HS1BP3: variants seen among roughly 807,000 people sequenced by gnomAD.
HS1BP3 encodes HCLS1 binding protein 3.
Under a neutral mutation model 33.5 loss-of-function variants are expected in HS1BP3, and 32 were observed. The ratio of observed to expected loss-of-function variants is 0.95; its 90% CI spans 0.72 to 1.28. HS1BP3 has a LOEUF of 1.28. Ranked by LOEUF, HS1BP3 falls within the 50% of genes most tolerant of loss-of-function variation. The pLI is 0.00. For missense variants in HS1BP3, 486 were observed against 502.3 expected (o/e 0.97, Z 0.31); for synonymous variants, 187 against 209.2 (o/e 0.89, Z 0.92).
At chr2:20,556,986 C>T (rs963533660), downstream of HS1BP3, among the ~76,000 whole-genome samples, 5 of 152,330 alleles carry the variant, frequency 3.3e-5, no homozygotes, top group South Asian at 6.2e-4. Context: ...TTCCACTGTT[C>T]GTTCTACCCC....
At position 20,611,195 on chromosome 2, in the gene HS1BP3, C is replaced by T. The variant is rs115559489; in HGVS notation, c.178+12701G>A. On this transcript the variant is annotated intron_variant, in intron 2 of 3. Coordinates refer to the HS1BP3 transcript ENST00000415264. The surrounding 1 kb of genome is among the most constrained non-coding windows in gnomAD (Gnocchi z 4.9). ...TGCCACTGTTTGCTTGTTCATTGAC[C>T]GTTTGTTTGATGGATATTTGGGTTG... Among the ~76,000 whole-genome samples, 142 of 152,270 alleles carry T rather than the reference C, an allele frequency of 9.3e-4. No homozygotes were observed. The highest frequency in any genetic ancestry group is 3.3e-3 in the African/African-American group (136 of 41,558).
chr2:20,628,247 G>A (rs1013145786), intron 4 of HS1BP3, among the ~76,000 whole-genome samples: 5 of 152,194 alleles, frequency 3.3e-5, no homozygotes, highest in African/African-American at 9.7e-5. Flanking sequence ...AGATGAGGAC[G>A]AGCCGCCGCT....
intron 1 of HS1BP3, among the ~76,000 whole-genome samples, chr2:20,650,257 G>A (rs775622780): frequency 2.6e-5 from 4 of 152,212 alleles, no homozygotes; most frequent in Non-Finnish European, 2.9e-5. Context: ...TTTGTGTAGG[G>A]AGAGCAAGGG....
chr2:20,608,066 T>C (rs1190553252), intron 2 of HS1BP3, among the ~76,000 whole-genome samples: 4 of 152,246 alleles, frequency 2.6e-5, no homozygotes, highest in Non-Finnish European at 5.9e-5. Flanking sequence ...TATAGAAATA[T>C]AACTAATTTT....
chr2:20,640,601 G>T (rs1213417126), intron 3 of HS1BP3: 3 of 484,916 alleles, frequency 6.2e-6, no homozygotes, highest in Non-Finnish European at 1.1e-5. Flanking sequence ...AGGTCCCTAG[G>T]GCTGGTTGGA....
At chr2:20,627,116 C>T (rs1423521700) in intron 4 of HS1BP3, among the ~76,000 whole-genome samples, 2 of 152,248 alleles carry the variant, frequency 1.3e-5, no homozygotes, top group Admixed American at 1.3e-4. Flanking sequence ...CTTCATTCCC[C>T]ATCTCTGCCG....
chr2:20,650,976 GC>G, intron 1 of HS1BP3, 55 bp downstream of exon 1: 1 of 1,225,328 alleles, frequency 8.2e-7, no homozygotes, highest in Non-Finnish European at 1.0e-6. Context: ...CCGCCTCTCC[GC>G]CCGGGCGCCC....
chr2:20,610,304 G>T (rs1049699040), intron 2 of HS1BP3, among the ~76,000 whole-genome samples: 1 of 152,056 alleles, frequency 6.6e-6, no homozygotes, highest in East Asian at 1.9e-4. Flanking sequence ...TAATGCCACG[G>T]ATCCACCATG....
rs1250119156 is a variant in HS1BP3, at chr2:20,624,725, T to C, written c.784+7A>G. ...ACACCAGGAGCAGACCATGGGGCTC[T>C]ACTTACGGTCCACGGATGACACGTC... On this transcript the variant is annotated splice_region_variant and intron_variant, in intron 5 of 6. Transcript: ENST00000304031. 10 of 1,582,530 alleles carry C rather than the reference T, an allele frequency of 6.3e-6. No individual in the cohort carries two copies. Among genetic ancestry groups the C allele is most frequent in the Non-Finnish European group, 8.6e-6 (10 of 1,162,486 alleles).
At chr2:20,597,953 C>G (rs1367856580) in intron 3 of HS1BP3, among the ~76,000 whole-genome samples, 1 of 152,108 alleles carries the variant, frequency 6.6e-6, no homozygotes, top group Non-Finnish European at 1.5e-5. Flanking sequence ...GTGCCTAGAG[C>G]CAGGCTCAGC....
chr2:20,573,449 C>T (rs901044654), intron 5 of HS1BP3, among the ~76,000 whole-genome samples: 4 of 152,332 alleles, frequency 2.6e-5, no homozygotes, highest in African/African-American at 9.6e-5. Context: ...GGGAGACCCC[C>T]CAAGCCCCTA....
chr2:20,579,640 C>T (rs1693485597), intron 5 of HS1BP3, among the ~76,000 whole-genome samples: 1 of 152,186 alleles, frequency 6.6e-6, no homozygotes, highest in African/African-American at 2.4e-5. Context: ...GAGGTGGGGG[C>T]CCACTGAGCT....
intron 3 of HS1BP3, among the ~76,000 whole-genome samples, chr2:20,593,708 C>T (rs1233280818): frequency 6.6e-6 from 1 of 152,180 alleles, no homozygotes; most frequent in African/African-American, 2.4e-5. Flanking sequence ...ACTGCGCCCG[C>T]TCTCACCCTG....
At chr2:20,633,635 G>A (rs994504204) in intron 4 of HS1BP3, among the ~76,000 whole-genome samples, 5 of 152,166 alleles carry the variant, frequency 3.3e-5, no homozygotes. Context: ...CGATTCTCCT[G>A]CCTCAGCCTC....
downstream of HS1BP3, among the ~76,000 whole-genome samples, chr2:20,589,602 T>G (rs1227028559): frequency 6.6e-6 from 1 of 152,152 alleles, no homozygotes; most frequent in Non-Finnish European, 1.5e-5. Flanking sequence ...GAAGTTAGCT[T>G]GTTAGCTCTA....
intron 3 of HS1BP3, among the ~76,000 whole-genome samples, chr2:20,596,403 T>C (rs1424579096): frequency 6.6e-6 from 1 of 152,210 alleles, no homozygotes; most frequent in East Asian, 1.9e-4. Context: ...GATTAGGTCA[T>C]GAGGGTAAAG....
intron 2 of HS1BP3, among the ~76,000 whole-genome samples, chr2:20,607,482 T>C (rs966457973): frequency 2.0e-5 from 3 of 152,188 alleles, no homozygotes; most frequent in African/African-American, 7.2e-5. Context: ...TACACGTGGA[T>C]GTCCCCTCCA....
At chr2:20,575,012 T>G (rs1277409318) in intron 5 of HS1BP3, among the ~76,000 whole-genome samples, 1 of 152,260 alleles carries the variant, frequency 6.6e-6, no homozygotes, top group African/African-American at 2.4e-5. Context: ...CAGGAGTGGT[T>G]GTTATTACTG....
chr2:20,644,740 T>G (rs1233455101), intron 2 of HS1BP3, among the ~76,000 whole-genome samples: 2 of 152,162 alleles, frequency 1.3e-5, no homozygotes, highest in Non-Finnish European at 2.9e-5. Context: ...CTCCATGCTC[T>G]CAGCAGATTG....
Sources: gnomAD v4.1 joint callset for allele counts (sites outside exome capture counted in the v4.1 genomes callset) on GRCh38, gnomAD v4.1.1 for gene constraint, Gnocchi (gnomAD v3.1) non-coding constraint, MANE v1.5 for transcripts, NCBI Gene and HGNC (gene_info 2026-07-23, HGNC 2026-07-21) for gene names.